PDE3A: variants seen among roughly 807,000 people sequenced by gnomAD.
PDE3A encodes cGMP-inhibited 3',5'-cyclic phosphodiesterase 3A.
Under a neutral mutation model 98.3 loss-of-function variants are expected in PDE3A, and 43 were observed. The observed-to-expected ratio is 0.44, with a 90% CI of 0.34 to 0.56. The LOEUF (loss-of-function observed/expected upper bound fraction) is 0.56, where lower values mean the gene tolerates loss of function less well. PDE3A is among the 20% of genes least tolerant of loss of function. The pLI is 0.01. For missense variants in PDE3A, 1,427 were observed against 1,440.7 expected, an observed-to-expected ratio of 0.99 and a Z score of 0.15; for synonymous variants, 663 against 567.9, an observed-to-expected ratio of 1.17 and a Z score of -2.38.
At chr12:20,458,911 A>G (rs553008932) in intron 1 of PDE3A, among the ~76,000 whole-genome samples, 71 of 152,302 alleles carry the variant, frequency 4.7e-4, no homozygotes, top group African/African-American at 1.7e-3. Context: ...AGAATGATTG[A>G]AAAATGCTTA....
rs71442269 is a variant in PDE3A, at chr12:20,685,409, CAAAAAAAAAAAAAA to C, written c.*5148_*5161del. ...GGGCAACAGGAGTTAAATTTTGCCTCAAAAAAAAAAAAAAAAAAAAAAAGAACATTTTTTGGCAA... is the reference window on the plus strand; with the variant it reads ...GGGCAACAGGAGTTAAATTTTGCCTCAAAAAAAAAGAACATTTTTTGGCAA... On this transcript the variant is annotated 3_prime_UTR_variant, in exon 16 of 16. Coordinates refer to ENST00000359062, the MANE Select transcript of PDE3A (RefSeq NM_000921.5). 2.7e-5 allele frequency among the ~76,000 whole-genome samples: 2 copies of C among 73,800 alleles called. No individual in the cohort carries two copies. 48.4% of individuals were successfully genotyped at this position (73,800 alleles called of 152,430 possible).
intron 13 of PDE3A, among the ~76,000 whole-genome samples, chr12:20,649,953 TATATATG>T (rs1944876349): frequency 1.3e-5 from 2 of 151,902 alleles, no homozygotes; most frequent in African/African-American, 2.4e-5. Flanking sequence ...AGTAATTGAT[TATATATG>T]CCAATTTAAA....
intron 1 of PDE3A, among the ~76,000 whole-genome samples, chr12:20,402,584 A>G (rs2120668326): frequency 6.6e-6 from 1 of 152,310 alleles, no homozygotes; most frequent in South Asian, 2.1e-4. Flanking sequence ...TTTTGTTTTT[A>G]AGTGTAACAA....
chr12:20,629,911 C>A lies in PDE3A; in HGVS notation c.1544C>A (p.Ala515Asp), dbSNP rs1944343616. The change falls in exon 6 of 16, where the codon GCC becomes GAC. Residue 515 changes from alanine (A) to aspartate (D), a missense_variant. Physicochemically the swap from Ala to Asp is moderately radical, Grantham distance 126. Coordinates refer to ENST00000359062, the MANE Select transcript of PDE3A (RefSeq NM_000921.5). ...VKAKKQSRPG[A>D]LAKISPLSSP... is the part of the protein sequence containing the mutation. ...CTTAACTCTCATTCTTTCTCAGGTG[C>A]CCTCGCTAAAATTTCACCTCTTTCA... 5 of 1,611,100 alleles carry A rather than the reference C, an allele frequency of 3.1e-6. No individual in the cohort carries two copies. The highest frequency in any genetic ancestry group is 1.7e-4 in the Middle Eastern group (1 of 6,056).
At chr12:20,558,227 G>C (rs1942420333) in intron 2 of PDE3A, among the ~76,000 whole-genome samples, 1 of 150,178 alleles carries the variant, frequency 6.7e-6, no homozygotes, top group Non-Finnish European at 1.5e-5. Flanking sequence ...CCTCACAATT[G>C]TACAGTATGG....
intron 1 of PDE3A, among the ~76,000 whole-genome samples, chr12:20,425,305 A>G (rs1591918263): frequency 6.6e-6 from 1 of 151,936 alleles, no homozygotes; most frequent in East Asian, 1.9e-4. Context: ...GAGCGATTTT[A>G]TTTTTTTCAT....
At chr12:20,628,806 G>A (rs908855321) in intron 5 of PDE3A, among the ~76,000 whole-genome samples, 9 of 152,062 alleles carry the variant, frequency 5.9e-5, no homozygotes, top group Admixed American at 2.0e-4. Flanking sequence ...ACACAAAATC[G>A]TTCAACAAAC....
At chr12:20,483,171 G>A (rs11045277) in intron 1 of PDE3A, among the ~76,000 whole-genome samples, 56,375 of 151,804 alleles carry the variant, frequency 0.37, 10,905 homozygotes, top group East Asian at 0.67. Flanking sequence ...TGGGCGGATC[G>A]CGAGGTCAGG....
At chr12:20,560,477 A>G (rs1327279505) in intron 2 of PDE3A, among the ~76,000 whole-genome samples, 1 of 152,118 alleles carries the variant, frequency 6.6e-6, no homozygotes, top group Non-Finnish European at 1.5e-5. Context: ...AGTGATTAGG[A>G]GGACATTAGT....
At chr12:20,491,689 C>G (rs941632127) in intron 1 of PDE3A, among the ~76,000 whole-genome samples, 2 of 152,110 alleles carry the variant, frequency 1.3e-5, no homozygotes, top group Non-Finnish European at 2.9e-5. Flanking sequence ...AACACATTGT[C>G]TAGACCTCTG....
chr12:20,400,698 G>T (rs997847658), intron 1 of PDE3A, among the ~76,000 whole-genome samples: 1 of 152,126 alleles, frequency 6.6e-6, no homozygotes, highest in African/African-American at 2.4e-5. Flanking sequence ...GATTATAGGC[G>T]TGAGCCACTG....
At chr12:20,417,970 A>G (rs1254052198) in intron 1 of PDE3A, among the ~76,000 whole-genome samples, 2 of 152,176 alleles carry the variant, frequency 1.3e-5, no homozygotes, top group African/African-American at 2.4e-5. Context: ...AAATCAATAG[A>G]TGGGAGAGCC....
chr12:20,654,081 A>T lies in PDE3A; in HGVS notation c.3060A>T (p.Gly1020=). ...GPLCNSYDSA[G]LMPGKWVEDS... is the part of the protein sequence containing the mutation. ...TGTGCAACTCCTATGATTCAGCAGG[A>T]CTAATGCCTGGAAAATGGGTGGAAG... The change falls in exon 15 of 16, where the codon GGA becomes GGT. Residue 1020 remains glycine, a synonymous_variant. Coordinates refer to ENST00000359062, the MANE Select transcript of PDE3A (RefSeq NM_000921.5). 1 of 1,614,156 alleles carries T rather than the reference A, an allele frequency of 6.2e-7. No individual in the cohort carries two copies. Among genetic ancestry groups the T allele is most frequent in the Non-Finnish European group, 8.5e-7 (1 of 1,180,018 alleles).
intron 1 of PDE3A, among the ~76,000 whole-genome samples, chr12:20,538,000 A>T (rs1381939032): frequency 6.6e-6 from 1 of 152,182 alleles, no homozygotes; most frequent in African/African-American, 2.4e-5. Context: ...CATGGTATGA[A>T]CCAAACGCAT....
intron 2 of PDE3A, among the ~76,000 whole-genome samples, chr12:20,580,497 G>C (rs12230451): frequency 0.22 from 33,460 of 152,006 alleles, 3,806 homozygotes; most frequent in South Asian, 0.34. Context: ...AGAAGAAAAG[G>C]CTATTTCAAA....
At chr12:20,619,771 A>G (rs1415066702) in intron 4 of PDE3A, among the ~76,000 whole-genome samples, 1 of 152,114 alleles carries the variant, frequency 6.6e-6, no homozygotes, top group Admixed American at 6.6e-5. Flanking sequence ...ATGTCCTCAT[A>G]TATGGAAAAC....
rs199757276 is a variant in PDE3A at position 20,613,525 on chromosome 12, C to T, written c.1094C>T (p.Ser365Phe). ...GLITDLLADP[S>F]LPPNVCTSLR... is the part of the protein sequence containing the mutation. Reference sequence around the variant, plus strand: ...ATTACCGACCTCCTGGCAGACCCTTCTCTTCCACCAAACGTGTGCACATCC... The same window carrying T: ...ATTACCGACCTCCTGGCAGACCCTTTTCTTCCACCAAACGTGTGCACATCC... Residue 365 changes from serine to phenylalanine, a missense_variant, in exon 3 of 16, where the codon TCT becomes TTT. Physicochemically the swap from Ser to Phe is radical, Grantham distance 155 (BLOSUM62 -2). This residue lies in a region of PDE3A where 1,012 missense variants were observed against 886.5 expected (regional missense o/e 1.14). Coordinates refer to ENST00000359062, the MANE Select transcript of PDE3A (RefSeq NM_000921.5). 6.2e-7 allele frequency: 1 copy of T among 1,614,108 alleles called. No homozygotes were observed. The highest frequency in any genetic ancestry group is 1.3e-5 in the African/African-American group (1 of 75,064).
rs144770942 is a variant in PDE3A, at chr12:20,384,052, G to T, written c.960+13808G>T. On this transcript the variant is annotated intron_variant, in intron 1 of 15. Coordinates refer to ENST00000359062, the MANE Select transcript of PDE3A (RefSeq NM_000921.5). ...ATTGAAATCAGTACTGCCAAGTTGG[G>T]TATTGATGGGCTGGTATTTCCTTTG... Among the ~76,000 whole-genome samples the T allele has an allele frequency of 2.0e-5, 3 of 151,970 alleles. No homozygotes were observed. The East Asian group carries it at 5.8e-4, about 30-fold the overall frequency.
chr12:20,650,694 CTA>C, intron 14 of PDE3A, 94 bp downstream of exon 14: 1 of 675,450 alleles, frequency 1.5e-6, no homozygotes, highest in Non-Finnish European at 2.4e-6. Context: ...TATGATCACT[CTA>C]TTTTATATTC....
Sources: gnomAD v4.1 joint callset for allele counts (sites outside exome capture counted in the v4.1 genomes callset) on GRCh38, gnomAD v4.1.1 for gene constraint, gnomAD v4.1.1 regional missense constraint, MANE v1.5 for transcripts, NCBI Gene and HGNC (gene_info 2026-07-23, HGNC 2026-07-21) for gene names.